Variants in APP observed in about 807,000 individuals in gnomAD.
The protein encoded by APP is amyloid beta precursor protein.
APP carries 31 observed loss-of-function variants against 101.4 expected under a neutral mutation model. That is an observed-to-expected ratio of 0.31 (90% CI 0.23 to 0.41). The LOEUF is 0.41. Ranked by LOEUF, APP falls within the 10% of genes least tolerant of loss-of-function variation. The pLI, the probability that APP is intolerant of heterozygous loss-of-function variation, is 1.00. For missense variants in APP, 839 were observed against 1,003.7 expected (o/e 0.84, Z 2.22); for synonymous variants, 366 against 364.4 (o/e 1.00, Z -0.05).
At chr21:26,016,539 C>T (rs1005654940) in intron 6 of APP, among the ~76,000 whole-genome samples, 1 of 152,134 alleles carries the variant, frequency 6.6e-6, no homozygotes, top group African/African-American at 2.4e-5. Context: ...ATTCTGATTT[C>T]ATCACTTAAC....
chr21:26,106,731 A>G (rs2062191168), intron 2 of APP, among the ~76,000 whole-genome samples: 1 of 152,140 alleles, frequency 6.6e-6, no homozygotes. Flanking sequence ...CTTAGGCCCA[A>G]ATTCCTTCCA....
chr21:25,969,346 T>TC (rs2041919567), intron 11 of APP, among the ~76,000 whole-genome samples: 1 of 44,688 alleles, frequency 2.2e-5, no homozygotes, highest in Non-Finnish European at 3.6e-5. Context: ...AGACTCTGTC[T>TC]CAAAAAAAAA....
At chr21:26,098,906 G>T (rs181993398) in intron 2 of APP, among the ~76,000 whole-genome samples, 2 of 152,128 alleles carry the variant, frequency 1.3e-5, no homozygotes, top group African/African-American at 2.4e-5. Context: ...GCTGAAACCC[G>T]CATGTGTTTT....
chr21:25,917,002 G>A (rs747624801), intron 13 of APP, among the ~76,000 whole-genome samples: 2 of 152,244 alleles, frequency 1.3e-5, no homozygotes, highest in South Asian at 2.1e-4. Flanking sequence ...GGTGGCTCAC[G>A]TCTGTAATCT....
chr21:26,060,536 T>C (rs1362110413), intron 3 of APP, among the ~76,000 whole-genome samples: 2 of 152,204 alleles, frequency 1.3e-5, no homozygotes, highest in Non-Finnish European at 2.9e-5. Context: ...TATATGATCC[T>C]AGCGGGGAAG....
chr21:25,998,234 A>G (rs2043132187), intron 7 of APP, among the ~76,000 whole-genome samples: 2 of 152,210 alleles, frequency 1.3e-5, no homozygotes. Flanking sequence ...CGGCTAAACC[A>G]GTGAGAATCA....
At chr21:25,914,739 G>C (rs1337203888) in intron 13 of APP, among the ~76,000 whole-genome samples, 1 of 152,000 alleles carries the variant, frequency 6.6e-6, no homozygotes, top group Non-Finnish European at 1.5e-5. Flanking sequence ...AGTTTTAGTA[G>C]AGACGGGGTT....
chr21:25,978,341 T>A (rs1290161105), intron 9 of APP, among the ~76,000 whole-genome samples: 1 of 152,228 alleles, frequency 6.6e-6, no homozygotes, highest in East Asian at 1.9e-4. Context: ...TGATAACAAG[T>A]AGCATTACTG....
At chr21:25,903,097 G>A (rs60880489) in intron 15 of APP, among the ~76,000 whole-genome samples, 4,186 of 8,062 alleles carry the variant, frequency 0.52, 201 homozygotes, top group African/African-American at 0.52. Context: ...GCCGGGCATG[G>A]TGCTTATGCC....
At chr21:25,977,101 G>A (rs559098557) in intron 9 of APP, among the ~76,000 whole-genome samples, 2 of 152,320 alleles carry the variant, frequency 1.3e-5, no homozygotes, top group South Asian at 4.1e-4. Context: ...TAAGATATCA[G>A]GTGAATGTGT....
At chr21:25,944,519 T>C (rs914561232) in intron 13 of APP, among the ~76,000 whole-genome samples, 3 of 152,198 alleles carry the variant, frequency 2.0e-5, no homozygotes, top group African/African-American at 7.2e-5. Context: ...TGTTTCTGAG[T>C]TGAACACCAA....
intron 13 of APP, among the ~76,000 whole-genome samples, chr21:25,914,706 A>G (rs2039266247): frequency 6.6e-6 from 1 of 152,000 alleles, no homozygotes; most frequent in Non-Finnish European, 1.5e-5. Flanking sequence ...GGCGCCCGCC[A>G]CCACGCCCGG....
intron 11 of APP, among the ~76,000 whole-genome samples, chr21:25,967,892 T>A (rs1178069060): frequency 6.6e-6 from 1 of 152,202 alleles, no homozygotes; most frequent in Non-Finnish European, 1.5e-5. Flanking sequence ...CCTCCAAAGG[T>A]GGTAGAAGTT....
At chr21:26,083,916 C>T (rs1461762547) in intron 3 of APP, among the ~76,000 whole-genome samples, 1 of 152,024 alleles carries the variant, frequency 6.6e-6, no homozygotes, top group Non-Finnish European at 1.5e-5. Context: ...TATAAATCAC[C>T]CATGCTATTA....
At chr21:26,169,094 C>T (rs1217433350) in intron 1 of APP, 2 of 152,240 alleles carry the variant, frequency 1.3e-5, no homozygotes, top group Non-Finnish European at 2.9e-5. Flanking sequence ...ATACAGCCTC[C>T]TCTGGCCCAA....
At position 25,955,620 on chromosome 21, in the gene APP, C is replaced by T. The variant is rs1463470081; in HGVS notation, c.1587+7G>A. ...AGCTGCAGAAGATGATTATACCCCACGCTTACCTGGGACCGGATCTGAGCG... is the reference window on the plus strand; with the variant it reads ...AGCTGCAGAAGATGATTATACCCCATGCTTACCTGGGACCGGATCTGAGCG... On this transcript the variant is annotated splice_region_variant and intron_variant, in intron 12 of 17. Transcript: ENST00000346798. 10 of 1,614,026 alleles carry T rather than the reference C, an allele frequency of 6.2e-6. No individual in the cohort carries two copies. The highest frequency in any genetic ancestry group is 2.2e-5 in the South Asian group (2 of 91,076).
At chr21:26,055,597 AGGCATCCCAAT>A (rs1568918719) in intron 3 of APP, among the ~76,000 whole-genome samples, 2 of 152,148 alleles carry the variant, frequency 1.3e-5, no homozygotes, top group Admixed American at 1.3e-4. Flanking sequence ...CTGATATCTG[AGGCATCCCAAT>A]TTTCTAGGTT....
intron 13 of APP, among the ~76,000 whole-genome samples, chr21:25,930,278 G>C (rs529465421): frequency 2.6e-5 from 4 of 152,274 alleles, no homozygotes; most frequent in East Asian, 3.9e-4. Flanking sequence ...CTATCTGACC[G>C]GGATAAGAAG....
rs71855086 is a variant in APP at position 26,057,473 on chromosome 21, C to CCACACA, written c.356-4131_356-4126dup. ...TTATATTCAAAACGCATGTCACACA[C>CCACACA]CACACACACACACACACACACACAC... On this transcript the variant is annotated intron_variant, in intron 3 of 17. Transcript: ENST00000346798. 6.4e-3 allele frequency among the ~76,000 whole-genome samples: 948 copies of CCACACA among 149,164 alleles called. 9 individuals carry two copies. Among genetic ancestry groups the CCACACA allele is most frequent in the African/African-American group, 0.021 (869 of 40,938 alleles).
Sources: gnomAD v4.1 joint callset for allele counts (sites outside exome capture counted in the v4.1 genomes callset) on GRCh38, gnomAD v4.1.1 for gene constraint, MANE v1.5 for transcripts, NCBI Gene and HGNC (gene_info 2026-07-23, HGNC 2026-07-21) for gene names.